Variants in ADCY8 observed in about 807,000 individuals in gnomAD.
ADCY8 encodes the protein adenylate cyclase 8.
A neutral mutation model predicts 119.7 loss-of-function variants in ADCY8; 51 were observed. The ratio of observed to expected loss-of-function variants is 0.43; its 90% CI spans 0.34 to 0.54. ADCY8 has a LOEUF of 0.54. Among genes scored for constraint, ADCY8 ranks in the 20% least tolerant of loss-of-function variants. The pLI is 0.03. For synonymous variants in ADCY8, 665 were observed against 651.0 expected (o/e 1.02, Z -0.33); for missense variants, 1,383 against 1,598.8 (o/e 0.87, Z 2.30).
chr8:130,979,911 C>A (rs1483588785), intron 2 of ADCY8, among the ~76,000 whole-genome samples: 3 of 152,146 alleles, frequency 2.0e-5, no homozygotes, highest in Non-Finnish European at 4.4e-5. Flanking sequence ...GTATTAGTAT[C>A]CTAAGCTGGC....
chr8:130,864,813 A>G (rs895143440), intron 9 of ADCY8, among the ~76,000 whole-genome samples: 9 of 152,302 alleles, frequency 5.9e-5, no homozygotes, highest in South Asian at 2.1e-4. Flanking sequence ...ATAAGTTATT[A>G]AAAATTCCCT....
intron 8 of ADCY8, among the ~76,000 whole-genome samples, chr8:130,876,057 C>CT (rs898414025): frequency 9.1e-4 from 134 of 147,052 alleles, no homozygotes; most frequent in African/African-American, 1.3e-3. Context: ...TGAATTTGAT[C>CT]TTTTTTTTTT....
intron 1 of ADCY8, among the ~76,000 whole-genome samples, chr8:131,007,013 T>C (rs1200883468): frequency 1.3e-5 from 2 of 152,144 alleles, no homozygotes; most frequent in Non-Finnish European, 2.9e-5. Flanking sequence ...CCAAAGGAGA[T>C]AAAATCCCAA....
intron 1 of ADCY8, among the ~76,000 whole-genome samples, chr8:131,036,756 A>G (rs1307781948): frequency 6.6e-6 from 1 of 152,170 alleles, no homozygotes; most frequent in African/African-American, 2.4e-5. Flanking sequence ...GTAGCAGGTG[A>G]AAAGACCCAG....
At chr8:130,849,292 G>T (rs1817435673) in intron 10 of ADCY8, among the ~76,000 whole-genome samples, 1 of 152,136 alleles carries the variant, frequency 6.6e-6, no homozygotes, top group African/African-American at 2.4e-5. Context: ...GGTAGGTACT[G>T]GTACTTGATA....
At chr8:130,828,538 C>G (rs2130232680) in intron 12 of ADCY8, among the ~76,000 whole-genome samples, 1 of 152,304 alleles carries the variant, frequency 6.6e-6, no homozygotes, top group South Asian at 2.1e-4. Context: ...AACAGTGCCA[C>G]CTAGTGGAAT....
At chr8:131,020,520 G>A (rs561012187) in intron 1 of ADCY8, among the ~76,000 whole-genome samples, 1 of 152,182 alleles carries the variant, frequency 6.6e-6, no homozygotes, top group Non-Finnish European at 1.5e-5. Flanking sequence ...GAACCAGGAG[G>A]AGGACAAAGT....
At chr8:130,974,847 G>A (rs952123344) in intron 2 of ADCY8, among the ~76,000 whole-genome samples, 1 of 152,122 alleles carries the variant, frequency 6.6e-6, no homozygotes, top group African/African-American at 2.4e-5. Flanking sequence ...CCACAGTTAC[G>A]GAGATAATGG....
intron 5 of ADCY8, among the ~76,000 whole-genome samples, chr8:130,913,101 A>G (rs973714792): frequency 2.6e-5 from 4 of 152,174 alleles, no homozygotes. Flanking sequence ...TTTATGGGGT[A>G]CATGAGGTGT....
chr8:130,993,790 C>T (rs553686932), intron 1 of ADCY8, among the ~76,000 whole-genome samples: 5 of 152,308 alleles, frequency 3.3e-5, no homozygotes, highest in South Asian at 2.1e-4. Flanking sequence ...ATTACCCAGT[C>T]TCAGGTATGT....
chr8:130,801,899 C>CTTTTTTTTTTTT (rs34853195), intron 14 of ADCY8, among the ~76,000 whole-genome samples: 4 of 97,794 alleles, frequency 4.1e-5, no homozygotes, highest in Admixed American at 1.2e-4. Context: ...TTGAGAATGC[C>CTTTTTTTTTTTT]TTTTTTTTTT....
At chr8:131,034,841 C>A (rs1824101390) in intron 1 of ADCY8, among the ~76,000 whole-genome samples, 1 of 152,082 alleles carries the variant, frequency 6.6e-6, no homozygotes. Flanking sequence ...ATATTGCTGC[C>A]TCTCAGTTTT....
At chr8:130,984,842 C>T (rs1822348700) in intron 2 of ADCY8, among the ~76,000 whole-genome samples, 1 of 152,084 alleles carries the variant, frequency 6.6e-6, no homozygotes, top group Admixed American at 6.6e-5. Flanking sequence ...GTGGGACATG[C>T]TGATGAGGCT....
intron 13 of ADCY8, among the ~76,000 whole-genome samples, chr8:130,816,362 A>T (rs916937294): frequency 2.0e-5 from 3 of 152,078 alleles, no homozygotes; most frequent in African/African-American, 7.2e-5. Flanking sequence ...CCATTTATCT[A>T]AGAAAGATCG....
intron 1 of ADCY8, among the ~76,000 whole-genome samples, chr8:131,009,920 TG>T (rs1436959621): frequency 3.3e-5 from 5 of 151,980 alleles, no homozygotes; most frequent in Admixed American, 3.3e-4. Context: ...AAGGTTGGAG[TG>T]GCTGCACATG....
intron 12 of ADCY8, among the ~76,000 whole-genome samples, chr8:130,822,169 T>A (rs563861939): frequency 5.9e-5 from 9 of 152,240 alleles, no homozygotes; most frequent in African/African-American, 2.2e-4. Context: ...AAAGGATACA[T>A]CCTTGTTGCC....
intron 1 of ADCY8, among the ~76,000 whole-genome samples, chr8:131,007,850 A>G (rs1045283393): frequency 6.6e-6 from 1 of 152,062 alleles, no homozygotes; most frequent in Non-Finnish European, 1.5e-5. Context: ...AGACAATTAG[A>G]CATGCACTTA....
Position 130,897,179 on chromosome 8 carries a change from A to G in ADCY8, c.1911+6593T>C, listed in dbSNP as rs1043192412. ...ACAAGACTCACAGTCTACAGAATTAACCAGTTCACTCTGAGGAGCCTGAGG... is the reference window on the plus strand; with the variant it reads ...ACAAGACTCACAGTCTACAGAATTAGCCAGTTCACTCTGAGGAGCCTGAGG... On this transcript the variant is annotated intron_variant, in intron 7 of 17. Transcript: ENST00000286355. Among the ~76,000 whole-genome samples, 4 of 152,098 alleles carry G rather than the reference A, an allele frequency of 2.6e-5. No individual in the cohort carries two copies. In the East Asian group the frequency reaches 7.7e-4, roughly 29 times the overall value.
At chr8:131,007,463 G>C (rs1222173432) in intron 1 of ADCY8, among the ~76,000 whole-genome samples, 1 of 152,106 alleles carries the variant, frequency 6.6e-6, no homozygotes, top group Non-Finnish European at 1.5e-5. Context: ...GGAGGCCATA[G>C]AGGCTGCCAA....
Sources: allele counts gnomAD v4.1 joint callset (sites outside exome capture counted in the v4.1 genomes callset), GRCh38; gene constraint gnomAD v4.1.1; transcripts MANE v1.5; gene names NCBI Gene and HGNC (gene_info 2026-07-23, HGNC 2026-07-21).